The following CAMKMT variants were observed in gnomAD, a reference collection of about 807,000 sequenced individuals.
CAMKMT encodes the protein CaM KMT.
In CAMKMT, 53 loss-of-function variants were observed where a neutral mutation model predicts 48.0. That is an observed-to-expected ratio of 1.10 (90% CI 0.89 to 1.39). CAMKMT has a LOEUF of 1.39. Among genes scored for constraint, CAMKMT ranks in the 40% most tolerant of loss-of-function variants. CAMKMT has a pLI of 0.00. For missense variants in CAMKMT, 428 were observed against 402.7 expected (o/e 1.06, Z -0.54); for synonymous variants, 165 against 152.3 (o/e 1.08, Z -0.61).
intron 3 of CAMKMT, among the ~76,000 whole-genome samples, chr2:44,470,994 CTTTTTTTTTTTT>C (rs11362559): frequency 4.0e-5 from 3 of 74,936 alleles, no homozygotes; most frequent in Non-Finnish European, 5.4e-5. Context: ...CTCTCTCTCT[CTTTTTTTTTTTT>C]TTTTTTTTGA....
At chr2:44,656,250 G>A (rs896534281) in intron 3 of CAMKMT, among the ~76,000 whole-genome samples, 1 of 152,136 alleles carries the variant, frequency 6.6e-6, no homozygotes, top group South Asian at 2.1e-4. Context: ...CTTTATGTAA[G>A]GCTGTGATGG....
At chr2:44,530,965 C>T (rs1395015523) in intron 3 of CAMKMT, among the ~76,000 whole-genome samples, 1 of 151,560 alleles carries the variant, frequency 6.6e-6, no homozygotes, top group Non-Finnish European at 1.5e-5. Context: ...AAGATCTTCC[C>T]CATTGTGCAT....
At chr2:44,393,216 A>G (rs528591213) in intron 3 of CAMKMT, 6 of 152,214 alleles carry the variant, frequency 3.9e-5, no homozygotes, top group African/African-American at 1.2e-4. Flanking sequence ...TTAATTTTGG[A>G]AAATAAACCT....
intron 3 of CAMKMT, among the ~76,000 whole-genome samples, chr2:44,632,526 C>G (rs1199772090): frequency 6.6e-6 from 1 of 152,136 alleles, no homozygotes; most frequent in Non-Finnish European, 1.5e-5. Flanking sequence ...CACATAGTCA[C>G]TTTTTTTGTG....
intron 3 of CAMKMT, among the ~76,000 whole-genome samples, chr2:44,542,855 A>G (rs899280969): frequency 5.3e-5 from 8 of 152,120 alleles, no homozygotes; most frequent in African/African-American, 1.9e-4. Context: ...TGTGTGGGAG[A>G]TAAAACTGGA....
At chr2:44,622,891 G>C (rs1364237284) in intron 3 of CAMKMT, among the ~76,000 whole-genome samples, 1 of 152,088 alleles carries the variant, frequency 6.6e-6, no homozygotes, top group Non-Finnish European at 1.5e-5. Context: ...TCAATTTTCA[G>C]TTCTTTTCAG....
intron 3 of CAMKMT, among the ~76,000 whole-genome samples, chr2:44,601,369 T>C (rs1670977078): frequency 1.3e-5 from 2 of 152,014 alleles, no homozygotes; most frequent in African/African-American, 4.8e-5. Flanking sequence ...GGCAGGAGAA[T>C]TGCTTGAACC....
At chr2:44,444,576 A>T (rs995536109) in intron 3 of CAMKMT, among the ~76,000 whole-genome samples, 3 of 152,234 alleles carry the variant, frequency 2.0e-5, no homozygotes, top group Non-Finnish European at 1.5e-5. Flanking sequence ...ATAAGCCACA[A>T]ATTAGTAATC....
intron 7 of CAMKMT, among the ~76,000 whole-genome samples, chr2:44,719,929 A>G (rs1678371011): frequency 6.6e-6 from 1 of 152,238 alleles, no homozygotes; most frequent in Admixed American, 6.5e-5. Context: ...CTAGAATTAT[A>G]GTAACAGAAT....
intron 3 of CAMKMT, among the ~76,000 whole-genome samples, chr2:44,527,791 C>A (rs953372189): frequency 7.5e-6 from 1 of 132,986 alleles, no homozygotes; most frequent in Middle Eastern, 3.8e-3. Flanking sequence ...TACAGCCCCC[C>A]CCCCCATTAT....
chr2:44,471,283 G>A (rs563141183), intron 3 of CAMKMT, among the ~76,000 whole-genome samples: 43 of 152,026 alleles, frequency 2.8e-4, no homozygotes, highest in African/African-American at 9.2e-4. Context: ...GAGCCACCGC[G>A]CCCGGCTCTA....
At chr2:44,662,503 A>G (rs1326565093) in intron 3 of CAMKMT, among the ~76,000 whole-genome samples, 1 of 152,222 alleles carries the variant, frequency 6.6e-6, no homozygotes, top group Non-Finnish European at 1.5e-5. Context: ...CATTTGGGCA[A>G]TTGTACGTGC....
At chr2:44,757,566 C>CTT (rs1274573947) in intron 9 of CAMKMT, among the ~76,000 whole-genome samples, 8,008 of 134,324 alleles carry the variant, frequency 0.06, 231 homozygotes, top group Admixed American at 0.077. Context: ...ACTATGGGGG[C>CTT]TTTTTTTTTT....
At chr2:44,737,357 T>A (rs944994093) in intron 7 of CAMKMT, among the ~76,000 whole-genome samples, 1 of 152,194 alleles carries the variant, frequency 6.6e-6, no homozygotes, top group African/African-American at 2.4e-5. Flanking sequence ...CCTCAAGCAG[T>A]CCTCCCACCT....
intron 3 of CAMKMT, among the ~76,000 whole-genome samples, chr2:44,578,404 T>G (rs1228599542): frequency 6.6e-6 from 1 of 152,224 alleles, no homozygotes; most frequent in African/African-American, 2.4e-5. Flanking sequence ...ATGCTGCTGC[T>G]TTATGAAATG....
At chr2:44,645,752 C>T (rs1200730139) in intron 3 of CAMKMT, among the ~76,000 whole-genome samples, 6 of 152,202 alleles carry the variant, frequency 3.9e-5, no homozygotes, top group Admixed American at 2.6e-4. Flanking sequence ...ACCTGGGAGG[C>T]GGAGGCTGCA....
At chr2:44,687,389 C>T (rs1420597560) in intron 3 of CAMKMT, among the ~76,000 whole-genome samples, 1 of 152,076 alleles carries the variant, frequency 6.6e-6, no homozygotes, top group African/African-American at 2.4e-5. Context: ...TAGTATCTCG[C>T]CCAGTGCAAC....
At chr2:44,383,785 C>G (rs1680497460) in intron 2 of CAMKMT, among the ~76,000 whole-genome samples, 1 of 152,130 alleles carries the variant, frequency 6.6e-6, no homozygotes, top group Admixed American at 6.5e-5. Context: ...CAATCCCATC[C>G]AGGTCACTGC....
intron 3 of CAMKMT, among the ~76,000 whole-genome samples, chr2:44,459,044 A>G (rs777028583): frequency 6.6e-6 from 1 of 152,142 alleles, no homozygotes; most frequent in African/African-American, 2.4e-5. Flanking sequence ...TTTTAGGTAC[A>G]CTAACTTATT....
Sources: gnomAD v4.1 joint callset for allele counts (sites outside exome capture counted in the v4.1 genomes callset) on GRCh38, gnomAD v4.1.1 for gene constraint, MANE v1.5 for transcripts, NCBI Gene and HGNC (gene_info 2026-07-23, HGNC 2026-07-21) for gene names.